Variants in THSD7B observed in about 807,000 individuals in gnomAD.
THSD7B encodes thrombospondin type-1 domain-containing protein 7B.
A neutral mutation model predicts 213.6 loss-of-function variants in THSD7B; 138 were observed. The observed-to-expected ratio is 0.65, with a 90% CI of 0.56 to 0.74. The LOEUF (loss-of-function observed/expected upper bound fraction) is 0.74, where lower values mean the gene tolerates loss of function less well. THSD7B is among the 30% of genes least tolerant of loss of function. THSD7B has a pLI of 0.00. For synonymous variants in THSD7B, 742 were observed against 687.0 expected, an observed-to-expected ratio of 1.08 and a Z score of -1.25; for missense variants, 1,931 against 1,991.5, an observed-to-expected ratio of 0.97 and a Z score of 0.58.
intron 2 of THSD7B, among the ~76,000 whole-genome samples, chr2:136,912,906 C>T (rs781108004): frequency 6.6e-6 from 1 of 152,042 alleles, no homozygotes; most frequent in African/African-American, 2.4e-5. Context: ...TAAATTGGTA[C>T]CAGTAGAGTG....
At chr2:136,870,217 A>C (rs1573679308) in intron 1 of THSD7B, among the ~76,000 whole-genome samples, 2 of 152,206 alleles carry the variant, frequency 1.3e-5, no homozygotes, top group East Asian at 3.8e-4. Flanking sequence ...ATAATTTCTC[A>C]AAATGTTTTA....
At chr2:137,277,474 G>T (rs1200484185) in intron 12 of THSD7B, among the ~76,000 whole-genome samples, 1 of 151,940 alleles carries the variant, frequency 6.6e-6, no homozygotes, top group Non-Finnish European at 1.5e-5. Flanking sequence ...GATTATGGAA[G>T]AAAGACATTG....
intron 3 of THSD7B, among the ~76,000 whole-genome samples, chr2:137,079,987 G>A (rs555689915): frequency 1.3e-4 from 19 of 151,748 alleles, no homozygotes; most frequent in Admixed American, 3.3e-4. Flanking sequence ...TTACAGGCAC[G>A]CACCACCACT....
chr2:136,891,630 AC>A (rs1683861746), intron 2 of THSD7B, among the ~76,000 whole-genome samples: 1 of 152,142 alleles, frequency 6.6e-6, no homozygotes, highest in Non-Finnish European at 1.5e-5. Context: ...TCAGCCAGGC[AC>A]CTTTCTTTCA....
intron 15 of THSD7B, among the ~76,000 whole-genome samples, chr2:137,489,998 A>C (rs754460397): frequency 6.6e-6 from 1 of 152,230 alleles, no homozygotes; most frequent in African/African-American, 2.4e-5. Flanking sequence ...AAAATCCATC[A>C]GAGAAATCAA....
intron 1 of THSD7B, among the ~76,000 whole-genome samples, chr2:136,776,017 T>C (rs1211396268): frequency 6.6e-6 from 1 of 152,132 alleles, no homozygotes; most frequent in Non-Finnish European, 1.5e-5. Flanking sequence ...GTGTGAAATA[T>C]ATGTACTATG....
At chr2:137,185,244 GC>G (rs1467586802) in intron 7 of THSD7B, among the ~76,000 whole-genome samples, 1 of 149,976 alleles carries the variant, frequency 6.7e-6, no homozygotes, top group East Asian at 1.9e-4. Context: ...TATCTCTAGT[GC>G]CTTTTTTTTT....
chr2:137,033,760 G>A (rs974913340), intron 2 of THSD7B, among the ~76,000 whole-genome samples: 3 of 151,768 alleles, frequency 2.0e-5, no homozygotes, highest in East Asian at 1.9e-4. Flanking sequence ...CTACAGGTGC[G>A]CACCATCACA....
chr2:137,413,707 G>T (rs574923320), intron 14 of THSD7B, among the ~76,000 whole-genome samples: 4 of 152,310 alleles, frequency 2.6e-5, no homozygotes, highest in Admixed American at 6.5e-5. Context: ...GAAGAAGTAT[G>T]TGGAATCTTG....
intron 12 of THSD7B, among the ~76,000 whole-genome samples, chr2:137,306,544 T>C (rs185373494): frequency 5.9e-5 from 9 of 152,260 alleles, no homozygotes; most frequent in African/African-American, 1.7e-4. Context: ...TCGTCATTTA[T>C]TGTGATAAGA....
At chr2:137,518,524 A>G (rs759658441) in intron 15 of THSD7B, among the ~76,000 whole-genome samples, 1 of 152,180 alleles carries the variant, frequency 6.6e-6, no homozygotes, top group Non-Finnish European at 1.5e-5. Context: ...TTTGGCGATG[A>G]GGTATGTGGA....
chr2:137,093,777 A>C (rs1310736759), intron 3 of THSD7B, among the ~76,000 whole-genome samples: 1 of 149,386 alleles, frequency 6.7e-6, no homozygotes, highest in Non-Finnish European at 1.5e-5. Context: ...TATTATTAGT[A>C]TACTTTAAGT....
chr2:136,785,392 G>T (rs375068537), intron 1 of THSD7B, among the ~76,000 whole-genome samples: 22 of 152,224 alleles, frequency 1.4e-4, no homozygotes, highest in East Asian at 5.8e-4. Flanking sequence ...CCTGGCTGCT[G>T]TCACTACCCT....
At chr2:137,432,950 C>T (rs1262336226) in intron 14 of THSD7B, among the ~76,000 whole-genome samples, 1 of 152,104 alleles carries the variant, frequency 6.6e-6, no homozygotes, top group South Asian at 2.1e-4. Context: ...AGATTGTTAG[C>T]GTCTAATTCT....
chr2:137,602,170 G>A (rs985194139), intron 17 of THSD7B, among the ~76,000 whole-genome samples: 5 of 152,134 alleles, frequency 3.3e-5, no homozygotes, highest in African/African-American at 1.2e-4. Flanking sequence ...GAATCATTAT[G>A]TGTTGTTCTG....
chr2:137,265,819 A>T (rs1485558073), intron 10 of THSD7B, among the ~76,000 whole-genome samples: 2 of 152,236 alleles, frequency 1.3e-5, no homozygotes. Flanking sequence ...CATTTATGAG[A>T]GTGAATGGAG....
chr2:137,168,235 A>C (rs1680174239), intron 6 of THSD7B, among the ~76,000 whole-genome samples: 1 of 152,198 alleles, frequency 6.6e-6, no homozygotes, highest in African/African-American at 2.4e-5. Flanking sequence ...ATAGTACAGG[A>C]AAGTGATGTG....
chr2:137,497,815 T>C (rs1227170893), intron 15 of THSD7B, among the ~76,000 whole-genome samples: 1 of 152,168 alleles, frequency 6.6e-6, no homozygotes, highest in Non-Finnish European at 1.5e-5. Flanking sequence ...TTGGCTCACA[T>C]TTTTAAAGTC....
chr2:137,576,914 T>C (rs1472942109), intron 17 of THSD7B, among the ~76,000 whole-genome samples: 1 of 151,940 alleles, frequency 6.6e-6, no homozygotes, highest in African/African-American at 2.4e-5. Context: ...GTGTAAATTA[T>C]GTTTCAGGGA....
Sources: gnomAD v4.1 joint callset for allele counts (sites outside exome capture counted in the v4.1 genomes callset) on GRCh38, gnomAD v4.1.1 for gene constraint, MANE v1.5 for transcripts, NCBI Gene and HGNC (gene_info 2026-07-23, HGNC 2026-07-21) for gene names.